Variants in TRIM64 observed in about 807,000 individuals in gnomAD.
TRIM64 encodes the protein tripartite motif-containing protein 64.
A neutral mutation model predicts 10.6 loss-of-function variants in TRIM64; 3 were observed. That is an observed-to-expected ratio of 0.28 (90% confidence interval 0.13 to 0.73). The LOEUF (loss-of-function observed/expected upper bound fraction) is 0.73. Among genes scored for constraint, TRIM64 ranks in the 30% least tolerant of loss-of-function variants. The pLI, the probability that TRIM64 is intolerant of heterozygous loss-of-function variation, is 0.71. For missense variants in TRIM64, 29 were observed against 152.0 expected, an observed-to-expected ratio of 0.19 and a Z score of 4.25; for synonymous variants, 8 against 56.0, an observed-to-expected ratio of 0.14 and a Z score of 3.83.
At chr11:89,966,835 C>T (rs71227517), upstream of TRIM64, among the ~76,000 whole-genome samples, 1 of 34,744 alleles carries the variant, frequency 2.9e-5, no homozygotes, top group Non-Finnish European at 5.2e-5. Flanking sequence ...TGCAGTAAGC[C>T]GAGATCGTGC....
At chr11:89,966,872 G>GT (rs1370505868), upstream of TRIM64, among the ~76,000 whole-genome samples, 2 of 33,674 alleles carry the variant, frequency 5.9e-5, no homozygotes, top group African/African-American at 2.7e-4. Context: ...GCGTAACAGA[G>GT]TGAGACTGCA....
exon 6 of TRIM64, chr11:89,973,807 C>G: frequency 2.3e-6 from 1 of 436,562 alleles, no homozygotes; most frequent in Non-Finnish European, 3.0e-6. Flanking sequence ...TTTGATGTTT[C>G]TAAAGGTTCT....
Position 89,968,838 on chromosome 11 carries a change from G to C in TRIM64, c.335G>C (p.Gly112Ala), listed in dbSNP as rs1167854249. The change falls in exon 1 of 6, where the codon GGG becomes GCG. Residue 112 changes from glycine to alanine, a missense_variant. Transcript: ENST00000533122. ...GAGGCTGACAAGAGATTGCTCTGTG[G>C]GCCCTGCTCTGAGTCACCAGAGCAC... 5 of 516,830 alleles carry C rather than the reference G, an allele frequency of 9.7e-6. 1 individual carries two copies. The East Asian group carries it at 1.3e-4, about 14-fold the overall frequency. The allele number at this position is 516,830 out of a possible 1,614,324, so 32.0% of individuals were successfully genotyped here.
intron 3 of TRIM64, 31 bp downstream of exon 4, chr11:89,970,505 G>A: frequency 2.0e-6 from 1 of 488,682 alleles, no homozygotes; most frequent in Non-Finnish European, 2.7e-6. Flanking sequence ...CTCAGAGACA[G>A]GAAGCCTTTG....
chr11:89,966,373 T>C (rs1249279307), upstream of TRIM64, among the ~76,000 whole-genome samples: 1 of 94,010 alleles, frequency 1.1e-5, no homozygotes, highest in Non-Finnish European at 2.7e-5. Flanking sequence ...AGATTTTTCT[T>C]AAGTGTGAAA....
upstream of TRIM64, among the ~76,000 whole-genome samples, chr11:89,967,526 G>A (rs1359536474): frequency 9.5e-5 from 3 of 31,686 alleles, 1 homozygote; most frequent in Non-Finnish European, 1.1e-4. Context: ...GTGCTTCTTC[G>A]TTAATTAGCT....
intron 5 of TRIM64, among the ~76,000 whole-genome samples, chr11:89,972,732 A>T (rs1357710132): frequency 1.7e-3 from 1 of 572 alleles, no homozygotes; most frequent in African/African-American, 9.3e-3. Flanking sequence ...TGATCAACAA[A>T]GAAAATGACT....
In TRIM64 at chr11:89,971,997, C is replaced by A. The variant is rs1198594687; in HGVS notation, c.759-200C>A. Among the ~76,000 whole-genome samples, 2 of 46,326 alleles carry A rather than the reference C, an allele frequency of 4.3e-5. 1 individual carries two copies. Among genetic ancestry groups the A allele is most frequent in the African/African-American group, 1.2e-4 (2 of 16,508 alleles). The allele number at this position is 46,326 out of a possible 152,430, so 30.4% of individuals were successfully genotyped here. A position where few individuals can be genotyped will look rare whatever the true frequency, so the allele number is the denominator to read the frequency against. On this transcript the variant is annotated intron_variant, in intron 4 of 5. Transcript: ENST00000533122. ...GAAGTTGTATAATGTCTGAGAATAACGTATCTGGGGAAATTGGAAGCAAAG... is the reference window on the plus strand; with the variant it reads ...GAAGTTGTATAATGTCTGAGAATAAAGTATCTGGGGAAATTGGAAGCAAAG...
upstream of TRIM64, among the ~76,000 whole-genome samples, chr11:89,966,057 ACT>A (rs910908371): frequency 2.0e-5 from 1 of 49,422 alleles, no homozygotes; most frequent in African/African-American, 8.6e-5. Context: ...GTGAGGACCC[ACT>A]GGATTTGTGG....
At chr11:89,968,476 C>CTTT, upstream of TRIM64, 2 of 196,354 alleles carry the variant, frequency 1.0e-5, no homozygotes, top group African/African-American at 3.7e-4. Context: ...GAAATTCTCA[C>CTTT]TTTTTTTTTT....
chr11:89,968,245 G>T (rs1362746778), upstream of TRIM64, among the ~76,000 whole-genome samples: 1 of 25,732 alleles, frequency 3.9e-5, no homozygotes, highest in Non-Finnish European at 6.5e-5. Context: ...ACTAATAAGA[G>T]ACTTGAACAT....
exon 5 of TRIM64, chr11:89,972,223 C>A: frequency 2.3e-6 from 1 of 428,086 alleles, no homozygotes; most frequent in Non-Finnish European, 3.0e-6. Context: ...ATGCAAAAGC[C>A]CCAGCCAGTG....
chr11:89,967,113 ATAAT>A (rs1425553608), upstream of TRIM64, among the ~76,000 whole-genome samples: 1 of 27,150 alleles, frequency 3.7e-5, no homozygotes, highest in Non-Finnish European at 6.1e-5. Flanking sequence ...ATTTTAGAAG[ATAAT>A]TAGTTGTTGA....
At position 89,970,358 on chromosome 11, in the gene TRIM64, C is replaced by G. The variant is rs968037439; in HGVS notation, c.619C>G (p.Leu207Val). The G allele has an allele frequency of 2.0e-6, 1 of 493,828 alleles. No homozygotes were observed. Among genetic ancestry groups the G allele is most frequent in the African/African-American group, 7.0e-5 (1 of 14,310 alleles). The allele number at this position is 493,828 out of a possible 1,614,324, so 30.6% of individuals were successfully genotyped here. A position where few individuals can be genotyped will look rare whatever the true frequency, so the allele number is the denominator to read the frequency against. Residue 207 changes from leucine (L) to valine (V), a missense_variant, in exon 3 of 6, where the codon CTT becomes GTT. Transcript: ENST00000533122. ...GGCACTGGAAAGAGAAGCAGAAGAG[C>G]TTTTCCAACAACTACAAGACAGTCA...
upstream of TRIM64, among the ~76,000 whole-genome samples, chr11:89,968,017 G>A (rs1590900536): frequency 2.8e-5 from 1 of 35,530 alleles, no homozygotes; most frequent in East Asian, 6.2e-4. Context: ...TCCTGACCTC[G>A]TGACCTGCCC....
chr11:89,968,676 T>A, exon 1 of TRIM64: 1 of 733,724 alleles, frequency 1.4e-6, no homozygotes, highest in South Asian at 2.3e-5. Flanking sequence ...TGCAGAAAAA[T>A]CTCAGAGAAG....
chr11:89,966,898 CAAAA>C (rs778298970), upstream of TRIM64, among the ~76,000 whole-genome samples: 4 of 12,992 alleles, frequency 3.1e-4, no homozygotes, highest in African/African-American at 5.8e-4. Flanking sequence ...ACAACAGCAA[CAAAA>C]AAAAAAAAAA....
At chr11:89,971,569 G>T (rs1950438187) in intron 4 of TRIM64, among the ~76,000 whole-genome samples, 1 of 47,634 alleles carries the variant, frequency 2.1e-5, no homozygotes, top group East Asian at 6.9e-4. Context: ...TACTCTAGAG[G>T]GGTGGGAGGT....
At chr11:89,966,434 A>C (rs1432152332), upstream of TRIM64, among the ~76,000 whole-genome samples, 1 of 81,544 alleles carries the variant, frequency 1.2e-5, no homozygotes, top group Non-Finnish European at 2.9e-5. Context: ...AAATACCTAA[A>C]ATGTTCACCA....
Sources: gnomAD v4.1 joint callset for allele counts (sites outside exome capture counted in the v4.1 genomes callset) on GRCh38, gnomAD v4.1.1 for gene constraint, MANE v1.5 for transcripts, NCBI Gene and HGNC (gene_info 2026-07-23, HGNC 2026-07-21) for gene names.